Variants in PPFIA2 observed in about 807,000 individuals in gnomAD.
PPFIA2 encodes the protein liprin-alpha-2.
In PPFIA2, 46 loss-of-function variants were observed where a neutral mutation model predicts 175.5. The observed-to-expected ratio is 0.26, with a 90% CI of 0.21 to 0.34. The LOEUF (loss-of-function observed/expected upper bound fraction) is 0.34, where lower values mean the gene tolerates loss of function less well. Ranked by LOEUF, PPFIA2 falls within the 10% of genes least tolerant of loss-of-function variation. The probability of loss-of-function intolerance (pLI) is 1.00; values close to 1 mark genes in which losing one functional copy is unlikely to be tolerated. For missense variants in PPFIA2, 1,179 were observed against 1,506.1 expected, an observed-to-expected ratio of 0.78 and a Z score of 3.60; for synonymous variants, 568 against 511.4, an observed-to-expected ratio of 1.11 and a Z score of -1.49.
At chr12:81,726,745 C>T (rs746730186) in intron 3 of PPFIA2, among the ~76,000 whole-genome samples, 1 of 151,428 alleles carries the variant, frequency 6.6e-6, no homozygotes, top group Non-Finnish European at 1.5e-5. Flanking sequence ...TATGGCCTGC[C>T]TCTTATTGTG....
At chr12:81,710,731 G>T (rs957923910) in intron 3 of PPFIA2, among the ~76,000 whole-genome samples, 13 of 147,356 alleles carry the variant, frequency 8.8e-5, no homozygotes, top group African/African-American at 2.9e-4. Flanking sequence ...ATAATTTTAT[G>T]CATGAAACAA....
chr12:81,589,028 C>A (rs940554213), intron 4 of PPFIA2, among the ~76,000 whole-genome samples: 5 of 152,074 alleles, frequency 3.3e-5, no homozygotes, highest in Non-Finnish European at 7.4e-5. Context: ...AAGGAGGTTG[C>A]ACTAAATCAG....
intron 4 of PPFIA2, among the ~76,000 whole-genome samples, chr12:81,621,755 A>G (rs1199791380): frequency 6.6e-6 from 1 of 152,212 alleles, no homozygotes; most frequent in Non-Finnish European, 1.5e-5. Context: ...GGAGAAAACT[A>G]CAGAAGTATC....
chr12:81,389,988 C>T (rs2039808742), intron 8 of PPFIA2, among the ~76,000 whole-genome samples: 1 of 152,042 alleles, frequency 6.6e-6, no homozygotes, highest in African/African-American at 2.4e-5. Context: ...TACTTTCTGT[C>T]ATACAGATTC....
chr12:81,694,928 A>T (rs116205199), intron 3 of PPFIA2, among the ~76,000 whole-genome samples: 2,309 of 152,280 alleles, frequency 0.015, 29 homozygotes, highest in South Asian at 0.042. Context: ...GGGAGCTTTA[A>T]AATTTAATGA....
chr12:81,480,314 C>T (rs977582520), intron 4 of PPFIA2, among the ~76,000 whole-genome samples: 5 of 151,842 alleles, frequency 3.3e-5, no homozygotes, highest in Non-Finnish European at 7.4e-5. Flanking sequence ...TTCCTCTAAC[C>T]TTTTTTCAAG....
At chr12:81,570,856 G>A (rs555414741) in intron 4 of PPFIA2, among the ~76,000 whole-genome samples, 135 of 151,692 alleles carry the variant, frequency 8.9e-4, no homozygotes, top group Non-Finnish European at 1.7e-3. Flanking sequence ...ATAGAAAGCC[G>A]GTTCGAAACT....
intron 28 of PPFIA2, among the ~76,000 whole-genome samples, chr12:81,272,399 A>C (rs1054990627): frequency 6.6e-6 from 1 of 151,888 alleles, no homozygotes; most frequent in Non-Finnish European, 1.5e-5. Flanking sequence ...GTTTCTTGTC[A>C]TATGTGGGCT....
At chr12:81,352,642 A>G (rs1228764266) in intron 17 of PPFIA2, among the ~76,000 whole-genome samples, 1 of 152,072 alleles carries the variant, frequency 6.6e-6, no homozygotes, top group Non-Finnish European at 1.5e-5. Flanking sequence ...GACAAAAAGA[A>G]TGGTAAATTA....
intron 3 of PPFIA2, among the ~76,000 whole-genome samples, chr12:81,726,620 C>A (rs989101074): frequency 6.6e-6 from 1 of 151,294 alleles, no homozygotes; most frequent in Non-Finnish European, 1.5e-5. Context: ...ACAGTAATCA[C>A]CTTCCCTAGA....
intron 5 of PPFIA2, among the ~76,000 whole-genome samples, chr12:81,450,535 A>G (rs1449548230): frequency 6.6e-6 from 1 of 152,060 alleles, no homozygotes; most frequent in Non-Finnish European, 1.5e-5. Context: ...GATTCTGGAT[A>G]TTAGCCCTTT....
At chr12:81,369,502 G>A in intron 11 of PPFIA2, 1 of 1,001,308 alleles carries the variant, frequency 1.0e-6, no homozygotes, top group East Asian at 5.8e-5. Context: ...AGCTCCTGAA[G>A]CACTGAACTG....
intron 5 of PPFIA2, among the ~76,000 whole-genome samples, chr12:81,449,911 T>C (rs2052164756): frequency 6.6e-6 from 1 of 151,594 alleles, no homozygotes; most frequent in Admixed American, 6.6e-5. Context: ...GTCCTTGCAA[T>C]AGTTTGCTGA....
At chr12:81,720,547 C>T (rs1028970368) in intron 3 of PPFIA2, among the ~76,000 whole-genome samples, 40 of 151,364 alleles carry the variant, frequency 2.6e-4, no homozygotes, top group African/African-American at 9.0e-4. Context: ...CTTCAATACA[C>T]AATAGGACCA....
At chr12:81,612,806 A>G (rs2061060134) in intron 4 of PPFIA2, among the ~76,000 whole-genome samples, 1 of 152,226 alleles carries the variant, frequency 6.6e-6, no homozygotes, top group Admixed American at 6.5e-5. Flanking sequence ...GTGTGTATGT[A>G]TATGTGTGAA....
intron 4 of PPFIA2, among the ~76,000 whole-genome samples, chr12:81,531,854 G>GA (rs1202083805): frequency 6.6e-6 from 1 of 151,772 alleles, no homozygotes; most frequent in African/African-American, 2.4e-5. Context: ...GTACTGGTAA[G>GA]AAATAATGAG....
At chr12:81,460,646 T>C (rs1260703440) in intron 4 of PPFIA2, among the ~76,000 whole-genome samples, 2 of 152,126 alleles carry the variant, frequency 1.3e-5, no homozygotes, top group Non-Finnish European at 2.9e-5. Context: ...ACTTTTCCTC[T>C]GACAGTTCTC....
intron 3 of PPFIA2, among the ~76,000 whole-genome samples, chr12:81,731,757 T>A (rs1218030233): frequency 6.6e-6 from 1 of 151,628 alleles, no homozygotes; most frequent in Non-Finnish European, 1.5e-5. Context: ...AATCCCTCTA[T>A]GTCAGTTTCC....
intron 4 of PPFIA2, among the ~76,000 whole-genome samples, chr12:81,601,559 AAAT>A (rs977899020): frequency 5.9e-5 from 9 of 151,754 alleles, no homozygotes; most frequent in Admixed American, 1.3e-4. Flanking sequence ...TGCCTAAAGG[AAAT>A]AATAAGTATT....
Sources: gnomAD v4.1 joint callset for allele counts (sites outside exome capture counted in the v4.1 genomes callset) on GRCh38, gnomAD v4.1.1 for gene constraint, MANE v1.5 for transcripts, NCBI Gene and HGNC (gene_info 2026-07-23, HGNC 2026-07-21) for gene names.